SYT1: variants seen among roughly 807,000 people sequenced by gnomAD.
SYT1 encodes the protein synaptotagmin 1, also known as synaptotagmin-1.
Under a neutral mutation model 44.8 loss-of-function variants are expected in SYT1, and 8 were observed. That is an observed-to-expected ratio of 0.18 (90% CI 0.10 to 0.32). The LOEUF (loss-of-function observed/expected upper bound fraction) is 0.32, where lower values mean the gene tolerates loss of function less well. Among genes scored for constraint, SYT1 ranks in the 10% least tolerant of loss-of-function variants. The probability of loss-of-function intolerance (pLI) is 1.00; values close to 1 mark genes in which losing one functional copy is unlikely to be tolerated. For synonymous variants in SYT1, 154 were observed against 188.8 expected, an observed-to-expected ratio of 0.82 and a Z score of 1.51; for missense variants, 286 against 509.3, an observed-to-expected ratio of 0.56 and a Z score of 4.22.
chr12:79,144,371 C>T (rs1364015859), intron 3 of SYT1, among the ~76,000 whole-genome samples: 1 of 152,208 alleles, frequency 6.6e-6, no homozygotes, highest in African/African-American at 2.4e-5. Flanking sequence ...AATCCCTTCC[C>T]TGACATTTTT....
chr12:78,955,994 T>C (rs938689884), intron 1 of SYT1, among the ~76,000 whole-genome samples: 1 of 151,988 alleles, frequency 6.6e-6, no homozygotes, highest in African/African-American at 2.4e-5. Context: ...AATGGGGTGA[T>C]AAAAGAGGTC....
chr12:79,217,979 T>A (rs1452246341), intron 4 of SYT1, among the ~76,000 whole-genome samples: 2 of 152,202 alleles, frequency 1.3e-5, no homozygotes, highest in Non-Finnish European at 2.9e-5. Flanking sequence ...AGAATATTAA[T>A]GTTTATGGGT....
chr12:79,142,022 CTTG>C (rs1206803153), intron 3 of SYT1, among the ~76,000 whole-genome samples: 2 of 152,282 alleles, frequency 1.3e-5, no homozygotes, highest in East Asian at 3.9e-4. Flanking sequence ...GCTTGAGTAG[CTTG>C]TTGTGTAAGG....
At chr12:79,336,725 G>T (rs1039056025) in intron 8 of SYT1, among the ~76,000 whole-genome samples, 2 of 152,148 alleles carry the variant, frequency 1.3e-5, no homozygotes, top group South Asian at 4.1e-4. Context: ...TAACTTCTGG[G>T]CTCAAGCAAT....
In SYT1 at chr12:79,082,801, C is replaced by A. The variant is rs569670830; in HGVS notation, c.-18+35439C>A. Among the ~76,000 whole-genome samples, 3 of 152,222 alleles carry A rather than the reference C, an allele frequency of 2.0e-5. No homozygotes were observed. In the East Asian group the frequency reaches 5.8e-4, roughly 29 times the overall value. Reference sequence around the variant, plus strand: ...TTAGGGGAGGTCCAAGGTGAGGCCCCAGTGCATGTGTTAGATTCTGAGAAA... The same window carrying A: ...TTAGGGGAGGTCCAAGGTGAGGCCCAAGTGCATGTGTTAGATTCTGAGAAA... On this transcript the variant is annotated intron_variant, in intron 3 of 10. Coordinates refer to ENST00000261205, the MANE Select transcript of SYT1 (RefSeq NM_005639.3).
At chr12:78,951,932 T>G (rs944357115) in intron 1 of SYT1, among the ~76,000 whole-genome samples, 5 of 152,254 alleles carry the variant, frequency 3.3e-5, no homozygotes, top group South Asian at 4.1e-4. Context: ...GCTCCAGCTT[T>G]CGAAGGAGAC....
chr12:78,878,024 T>G (rs1874266547), intron 1 of SYT1, among the ~76,000 whole-genome samples: 1 of 151,846 alleles, frequency 6.6e-6, no homozygotes, highest in Non-Finnish European at 1.5e-5. Context: ...CTAGCACCAA[T>G]GCTGTTATTG....
At chr12:79,152,835 A>G (rs939566314) in intron 3 of SYT1, among the ~76,000 whole-genome samples, 2 of 151,604 alleles carry the variant, frequency 1.3e-5, no homozygotes, top group Admixed American at 6.6e-5. Context: ...AACTATGGAA[A>G]CTAATTAACT....
chr12:79,448,048 T>G (rs1870832985), intron 10 of SYT1, among the ~76,000 whole-genome samples: 1 of 152,216 alleles, frequency 6.6e-6, no homozygotes, highest in African/African-American at 2.4e-5. Context: ...CTAAGTAAAT[T>G]CATTACTTAG....
At chr12:78,907,142 C>T (rs1183301426) in intron 1 of SYT1, among the ~76,000 whole-genome samples, 1 of 151,750 alleles carries the variant, frequency 6.6e-6, no homozygotes, top group Non-Finnish European at 1.5e-5. Flanking sequence ...CACCTTAAAA[C>T]ATTATCTTCA....
At chr12:79,063,061 T>G (rs1289806514) in intron 3 of SYT1, among the ~76,000 whole-genome samples, 1 of 152,144 alleles carries the variant, frequency 6.6e-6, no homozygotes, top group Non-Finnish European at 1.5e-5. Flanking sequence ...CACGTCACGG[T>G]TTACATAGCA....
chr12:79,026,667 T>TATATATATATA (rs1555190335), intron 2 of SYT1, among the ~76,000 whole-genome samples: 6 of 102,256 alleles, frequency 5.9e-5, no homozygotes, highest in East Asian at 2.8e-4. Context: ...CATATATATT[T>TATATATATATA]TATATATATA....
chr12:79,305,251 A>C (rs548712134), intron 8 of SYT1, among the ~76,000 whole-genome samples: 2 of 152,350 alleles, frequency 1.3e-5, no homozygotes, highest in South Asian at 4.1e-4. Flanking sequence ...CTAGAAAAGT[A>C]ATATAAATTA....
intron 4 of SYT1, among the ~76,000 whole-genome samples, chr12:79,228,035 AT>A (rs34646036): frequency 0.019 from 2,676 of 140,418 alleles, 27 homozygotes; most frequent in African/African-American, 0.031. Flanking sequence ...CCTCTCCTCC[AT>A]TTTTTTTTTT....
chr12:79,264,075 A>G (rs1447637542), intron 4 of SYT1, among the ~76,000 whole-genome samples: 1 of 152,138 alleles, frequency 6.6e-6, no homozygotes, highest in African/African-American at 2.4e-5. Flanking sequence ...TGATTGGGCT[A>G]TGATTTTTTC....
At chr12:79,245,483 AAAAAAAGAAAAGAAAAAAG>A (rs1437841390) in intron 4 of SYT1, among the ~76,000 whole-genome samples, 26 of 150,266 alleles carry the variant, frequency 1.7e-4, no homozygotes, top group African/African-American at 5.6e-4. Context: ...CAAAAAAAAA[AAAAAAAGAAAAGAAAAAAG>A]AAAAAAAAAA....
At chr12:79,291,733 C>CT in intron 5 of SYT1, 1 of 528,660 alleles carries the variant, frequency 1.9e-6, no homozygotes, top group East Asian at 4.8e-5. Flanking sequence ...CAAGTTGACA[C>CT]TTTCTTTGCA....
chr12:79,397,209 C>G (rs1884902744), intron 9 of SYT1, among the ~76,000 whole-genome samples: 1 of 152,092 alleles, frequency 6.6e-6, no homozygotes, highest in Admixed American at 6.6e-5. Flanking sequence ...CCAGTTGCAC[C>G]AGGGAACTAG....
chr12:78,876,830 G>T (rs1458013363), intron 1 of SYT1, among the ~76,000 whole-genome samples: 1 of 23,110 alleles, frequency 4.3e-5, no homozygotes, highest in Non-Finnish European at 7.1e-5. Flanking sequence ...TATATTATAT[G>T]TATTATATAT....
Sources: gnomAD v4.1 joint callset for allele counts (sites outside exome capture counted in the v4.1 genomes callset) on GRCh38, gnomAD v4.1.1 for gene constraint, MANE v1.5 for transcripts, NCBI Gene and HGNC (gene_info 2026-07-23, HGNC 2026-07-21) for gene names.